The following DNAJC16 variants were observed in gnomAD, a reference collection of about 807,000 sequenced individuals.
The protein encoded by DNAJC16 is DnaJ heat shock protein family (Hsp40) member C16, also known as dnaJ homolog subfamily C member 16.
A neutral mutation model predicts 92.7 loss-of-function variants in DNAJC16; 76 were observed. The observed-to-expected ratio is 0.82, with a 90% CI of 0.68 to 0.99. DNAJC16 has a LOEUF of 0.99. Ranked by LOEUF, DNAJC16 falls within the 50% of genes least tolerant of loss-of-function variation. The pLI is 0.00. For missense variants in DNAJC16, 869 were observed against 942.4 expected (o/e 0.92, Z 1.02); for synonymous variants, 328 against 358.7 (o/e 0.91, Z 0.97).
rs558613867 is a variant in DNAJC16 at position 15,535,168 on chromosome 1, A to G, written c.234+865A>G. Among the ~76,000 whole-genome samples, 148 of 152,382 alleles carry G rather than the reference A, an allele frequency of 9.7e-4. 1 individual carries two copies. Among genetic ancestry groups the G allele is most frequent in the African/African-American group, 3.5e-3 (146 of 41,592 alleles). ...GTAAAACAAAGTAAATTAACAGACA[A>G]GGCACTAGACTATAGCTATTTGGTG... is the stretch of plus-strand genomic sequence containing the variant. On this transcript the variant is annotated intron_variant, in intron 3 of 14. Coordinates refer to ENST00000375847, the MANE Select transcript of DNAJC16 (RefSeq NM_015291.4).
intron 3 of DNAJC16, among the ~76,000 whole-genome samples, chr1:15,535,687 G>A (rs999246497): frequency 6.6e-6 from 1 of 152,074 alleles, no homozygotes; most frequent in Non-Finnish European, 1.5e-5. Context: ...CTGTGATCAC[G>A]CCACTTCACT....
At chr1:15,555,381 A>T (rs1184277582) in intron 7 of DNAJC16, among the ~76,000 whole-genome samples, 63 of 144,426 alleles carry the variant, frequency 4.4e-4, no homozygotes, top group African/African-American at 1.6e-3. Flanking sequence ...GCAAGACTCC[A>T]TCTCAAAAAA....
intron 7 of DNAJC16, among the ~76,000 whole-genome samples, chr1:15,550,883 T>G (rs1190150062): frequency 1.3e-5 from 2 of 152,198 alleles, no homozygotes; most frequent in African/African-American, 4.8e-5. Context: ...TTTCTTTTGT[T>G]TTTGGAGACA....
intron 1 of DNAJC16, among the ~76,000 whole-genome samples, chr1:15,528,238 G>C (rs1003888313): frequency 1.3e-5 from 2 of 152,150 alleles, no homozygotes; most frequent in African/African-American, 2.4e-5. Context: ...TTCAAAACCA[G>C]CCTGGCCAAC....
chr1:15,531,325 T>C (rs1253942480), intron 2 of DNAJC16, among the ~76,000 whole-genome samples: 1 of 152,230 alleles, frequency 6.6e-6, no homozygotes, highest in African/African-American at 2.4e-5. Context: ...ATTGAAAATA[T>C]ATTTTTAAAA....
chr1:15,564,241 C>T (rs1638759181), intron 10 of DNAJC16, 42 bp from the exon 11 acceptor site: 2 of 1,538,656 alleles, frequency 1.3e-6, no homozygotes, highest in Non-Finnish European at 1.8e-6. Context: ...ACTCTCCCTT[C>T]CGGCTTTAGT....
chr1:15,534,153 T>C, intron 2 of DNAJC16, 84 bp from the exon 3 acceptor site: 1 of 1,414,158 alleles, frequency 7.1e-7, no homozygotes, highest in Admixed American at 1.9e-5. Context: ...TCTGCCTCTG[T>C]AGTGAACTCT....
At chr1:15,553,265 A>T in intron 7 of DNAJC16, among the ~76,000 whole-genome samples, 1 of 144,880 alleles carries the variant, frequency 6.9e-6, no homozygotes. Context: ...ATGGAGTTTC[A>T]CTCTTGTTGC....
At chr1:15,548,833 A>T (rs558989838) in intron 7 of DNAJC16, among the ~76,000 whole-genome samples, 5 of 152,306 alleles carry the variant, frequency 3.3e-5, no homozygotes, top group African/African-American at 9.6e-5. Flanking sequence ...ACTTGACTCT[A>T]AATTTTATGT....
intron 7 of DNAJC16, among the ~76,000 whole-genome samples, chr1:15,549,385 T>C (rs1433412860): frequency 6.6e-6 from 1 of 152,172 alleles, no homozygotes; most frequent in Non-Finnish European, 1.5e-5. Context: ...GTGGTTGAAG[T>C]CCTGAGTAGG....
chr1:15,530,455 C>T (rs566373901), intron 2 of DNAJC16, among the ~76,000 whole-genome samples: 1 of 152,284 alleles, frequency 6.6e-6, no homozygotes, highest in South Asian at 2.1e-4. Flanking sequence ...CAGTTTCTTC[C>T]ACCAATGCCT....
rs61077895 is a variant in DNAJC16 at position 15,552,741 on chromosome 1, T to C, written c.1023+4313T>C. On this transcript the variant is annotated intron_variant, in intron 7 of 14. Coordinates refer to ENST00000375847, the MANE Select transcript of DNAJC16 (RefSeq NM_015291.4). ...ATGCCCTCATTATGATATGCCTACC[T>C]GTTATGTGTCTTTTTATTATTATTA... 2.8e-3 allele frequency among the ~76,000 whole-genome samples: 421 copies of C among 151,518 alleles called. 3 individuals carry two copies. The highest frequency in any genetic ancestry group is 9.4e-3 in the African/African-American group (389 of 41,390).
At chr1:15,549,817 CAAA>C (rs777127254) in intron 7 of DNAJC16, among the ~76,000 whole-genome samples, 13 of 56,366 alleles carry the variant, frequency 2.3e-4, no homozygotes, top group Non-Finnish European at 1.1e-4. Context: ...GACTCCGTCT[CAAA>C]AAAAAAAAAA....
rs377379894 is a variant in DNAJC16, at chr1:15,534,218, C to G, written c.168-19C>G. 161 of 1,613,638 alleles carry G rather than the reference C, an allele frequency of 1.0e-4. No homozygotes were observed. The highest frequency in any genetic ancestry group is 1.3e-4 in the Non-Finnish European group (159 of 1,179,810). ...TAAAAGTTACATCCTTTCTCACCGCCTGCCTGTTTGTGTTTCAGGCATCCT... is the reference window on the plus strand; with the variant it reads ...TAAAAGTTACATCCTTTCTCACCGCGTGCCTGTTTGTGTTTCAGGCATCCT... On this transcript the variant is annotated intron_variant, in intron 2 of 14. Coordinates refer to ENST00000375847, the MANE Select transcript of DNAJC16 (RefSeq NM_015291.4).
intron 6 of DNAJC16, among the ~76,000 whole-genome samples, chr1:15,547,330 TAG>T: frequency 1.3e-5 from 2 of 151,962 alleles, no homozygotes; most frequent in Non-Finnish European, 2.9e-5. Flanking sequence ...CTATTTTTAG[TAG>T]AGACAGGGTT....
chr1:15,567,525 C>G (rs899917162), intron 14 of DNAJC16, among the ~76,000 whole-genome samples: 1 of 152,158 alleles, frequency 6.6e-6, no homozygotes, highest in African/African-American at 2.4e-5. Flanking sequence ...TTACTGTTCT[C>G]TAGCCCTTGT....
intron 7 of DNAJC16, among the ~76,000 whole-genome samples, chr1:15,553,974 C>T (rs979708338): frequency 3.3e-5 from 5 of 151,988 alleles, no homozygotes; most frequent in African/African-American, 9.7e-5. Flanking sequence ...GTGGTCGAGA[C>T]GGGCAGATCC....
Position 15,548,490 on chromosome 1 carries a change from T to C in DNAJC16, c.1023+62T>C, listed in dbSNP as rs1363745762. ...ATTTTATCCCAAGATTTTATGTAAA[T>C]AAACAGCAAAATTGAACAAAGTGGC... On this transcript the variant is annotated intron_variant, in intron 7 of 14. Transcript: ENST00000375847. The C allele has an allele frequency of 8.7e-6, 13 of 1,495,266 alleles. No individual in the cohort carries two copies. The Admixed American group carries it at 1.9e-4, about 21-fold the overall frequency. The allele number at this position is 1,495,266 out of a possible 1,614,324, so 92.6% of individuals were successfully genotyped here.
At chr1:15,566,814 G>A (rs768519320) in intron 13 of DNAJC16, among the ~76,000 whole-genome samples, 4 of 152,140 alleles carry the variant, frequency 2.6e-5, no homozygotes, top group Non-Finnish European at 5.9e-5. Flanking sequence ...AGCCCAGGAG[G>A]TCGAGGCTGC....
Sources: allele counts gnomAD v4.1 joint callset (sites outside exome capture counted in the v4.1 genomes callset), GRCh38; gene constraint gnomAD v4.1.1; transcripts MANE v1.5; gene names NCBI Gene and HGNC (gene_info 2026-07-23, HGNC 2026-07-21).